EYA1: variants seen among roughly 807,000 people sequenced by gnomAD.
EYA1 encodes the protein protein phosphatase EYA1.
Under a neutral mutation model 82.0 loss-of-function variants are expected in EYA1, and 16 were observed. That is an observed-to-expected ratio of 0.20 (90% confidence interval 0.13 to 0.30). The LOEUF (loss-of-function observed/expected upper bound fraction) is 0.30. Among genes scored for constraint, EYA1 ranks in the 10% least tolerant of loss-of-function variants. The pLI is 1.00. For missense variants in EYA1, 633 were observed against 730.7 expected, an observed-to-expected ratio of 0.87 and a Z score of 1.54; for synonymous variants, 261 against 264.4, an observed-to-expected ratio of 0.99 and a Z score of 0.12.
At chr8:71,201,185 A>C (rs1310379848) in intron 17 of EYA1, among the ~76,000 whole-genome samples, 4 of 150,680 alleles carry the variant, frequency 2.7e-5, no homozygotes, top group African/African-American at 4.9e-5. Context: ...TATGCTAAGC[A>C]CCTCAAAGAG....
intron 2 of EYA1, among the ~76,000 whole-genome samples, chr8:71,443,306 G>A (rs1460510660): frequency 1.3e-5 from 2 of 151,926 alleles, no homozygotes; most frequent in African/African-American, 2.4e-5. Context: ...TTTTTTTGGC[G>A]GGGGGGATAG....
At chr8:71,527,072 C>T (rs1034274837) in intron 2 of EYA1, among the ~76,000 whole-genome samples, 3 of 152,100 alleles carry the variant, frequency 2.0e-5, no homozygotes, top group African/African-American at 7.2e-5. Context: ...GAATCATTAT[C>T]ACATTAGAGC....
chr8:71,302,516 G>GA (rs1318027709), intron 7 of EYA1, among the ~76,000 whole-genome samples: 5 of 144,432 alleles, frequency 3.5e-5, no homozygotes, highest in South Asian at 2.2e-4. Context: ...ACTGCAGGCT[G>GA]AGATTCCATT....
intron 1 of EYA1, chr8:71,356,796 C>A: frequency 9.2e-7 from 1 of 1,092,046 alleles, no homozygotes; most frequent in Non-Finnish European, 1.1e-6. Context: ...TGGGATTACC[C>A]CTCCCCCAAT....
intron 7 of EYA1, among the ~76,000 whole-genome samples, chr8:71,301,315 C>A (rs985934992): frequency 6.6e-6 from 1 of 152,180 alleles, no homozygotes. Context: ...AAAAACTCTA[C>A]TTTGCAGTGT....
chr8:71,388,892 CA>C (rs1265579002), intron 2 of EYA1, among the ~76,000 whole-genome samples: 1 of 152,092 alleles, frequency 6.6e-6, no homozygotes, highest in Non-Finnish European at 1.5e-5. Context: ...GGCAACTTCA[CA>C]GCATCCAGCT....
At chr8:71,397,872 C>A (rs1647841921) in intron 2 of EYA1, among the ~76,000 whole-genome samples, 1 of 152,172 alleles carries the variant, frequency 6.6e-6, no homozygotes, top group African/African-American at 2.4e-5. Flanking sequence ...TGGATAACAT[C>A]CTGCAGAGTG....
chr8:71,224,604 T>A (rs143762433), intron 12 of EYA1, among the ~76,000 whole-genome samples: 2 of 152,368 alleles, frequency 1.3e-5, no homozygotes, highest in East Asian at 3.9e-4. Context: ...TATTTATACA[T>A]GGGACATGGG....
At chr8:71,362,365 T>A, upstream of EYA1, 1 of 219,790 alleles carries the variant, frequency 4.5e-6, no homozygotes, top group Non-Finnish European at 7.7e-6. Context: ...CTCTGAGACG[T>A]GGTCAACACA....
chr8:71,465,913 C>A (rs1379313418), intron 2 of EYA1, among the ~76,000 whole-genome samples: 2 of 152,086 alleles, frequency 1.3e-5, no homozygotes, highest in African/African-American at 4.8e-5. Context: ...CCTATAGTTT[C>A]CAAGGTGATG....
intron 12 of EYA1, 132 bp from the exon 13 acceptor site, chr8:71,217,155 G>A: frequency 2.9e-6 from 2 of 694,566 alleles, no homozygotes; most frequent in Non-Finnish European, 5.1e-6. Flanking sequence ...CAATCAGTAG[G>A]TGGCAGTCTT....
chr8:71,520,219 C>G (rs1047644093), intron 2 of EYA1, among the ~76,000 whole-genome samples: 1 of 151,616 alleles, frequency 6.6e-6, no homozygotes, highest in African/African-American at 2.4e-5. Flanking sequence ...ATTGGCCCCC[C>G]CCTCCACTGA....
chr8:71,407,865 C>G (rs1384506876), intron 2 of EYA1, among the ~76,000 whole-genome samples: 1 of 149,904 alleles, frequency 6.7e-6, no homozygotes, highest in African/African-American at 2.4e-5. Flanking sequence ...TCAGGAAATA[C>G]AGAGAACACC....
chr8:71,455,494 A>G (rs953459562), intron 2 of EYA1, among the ~76,000 whole-genome samples: 4 of 152,230 alleles, frequency 2.6e-5, no homozygotes, highest in South Asian at 2.1e-4. Context: ...ATGAACATCA[A>G]TGCAAAAATC....
intron 2 of EYA1, among the ~76,000 whole-genome samples, chr8:71,461,537 G>T (rs1303637784): frequency 1.3e-5 from 2 of 152,186 alleles, no homozygotes; most frequent in African/African-American, 4.8e-5. Flanking sequence ...GGCTTGAGGA[G>T]CTCCCAGGTC....
intron 4 of EYA1, among the ~76,000 whole-genome samples, chr8:71,326,069 T>C (rs1306406661): frequency 1.3e-5 from 2 of 152,186 alleles, no homozygotes; most frequent in African/African-American, 4.8e-5. Flanking sequence ...CTTGGGAACA[T>C]ACGGACAACC....
intron 2 of EYA1, among the ~76,000 whole-genome samples, chr8:71,369,621 A>G (rs990315813): frequency 2.0e-5 from 3 of 152,256 alleles, no homozygotes; most frequent in Non-Finnish European, 2.9e-5. Context: ...TTTCAAATCA[A>G]TTTAATTAAA....
chr8:71,527,808 G>A (rs74400907), intron 2 of EYA1, among the ~76,000 whole-genome samples: 1 of 152,106 alleles, frequency 6.6e-6, no homozygotes, highest in African/African-American at 2.4e-5. Flanking sequence ...CATGTCTGCA[G>A]AGTTATAGGC....
chr8:71,351,079 A>G (rs544073902), intron 3 of EYA1, among the ~76,000 whole-genome samples: 1 of 152,294 alleles, frequency 6.6e-6, no homozygotes, highest in African/African-American at 2.4e-5. Context: ...CAAGAAGCCT[A>G]TTTCTTAAAA....
Sources: allele counts gnomAD v4.1 joint callset (sites outside exome capture counted in the v4.1 genomes callset), GRCh38; gene constraint gnomAD v4.1.1; transcripts MANE v1.5; gene names NCBI Gene and HGNC (gene_info 2026-07-23, HGNC 2026-07-21).